Variants in FGFR4 observed in about 807,000 individuals in gnomAD.
FGFR4 encodes hydroxyaryl-protein kinase.
FGFR4 carries 63 observed loss-of-function variants against 89.9 expected under a neutral mutation model. That is an observed-to-expected ratio of 0.70 (90% CI 0.57 to 0.86). The LOEUF is 0.86. Ranked by LOEUF, FGFR4 falls within the 40% of genes least tolerant of loss-of-function variation. FGFR4 has a pLI of 0.00. For missense variants in FGFR4, 928 were observed against 1,106.7 expected, an observed-to-expected ratio of 0.84 and a Z score of 2.29; for synonymous variants, 486 against 479.4, an observed-to-expected ratio of 1.01 and a Z score of -0.18.
At chr5:177,090,003 C>A in intron 2 of FGFR4, 1 of 666,162 alleles carries the variant, frequency 1.5e-6, no homozygotes, top group Non-Finnish European at 2.8e-6. Context: ...GGTGTGTGAC[C>A]TAGGAGGTCC....
In FGFR4 at chr5:177,092,780, G is replaced by A. The variant is rs535650793; in HGVS notation, c.1053G>A (p.Leu351=). The change falls in exon 8 of 18, where the codon CTG becomes CTA. Residue 351 remains leucine (L), a synonymous_variant. Transcript: ENST00000292408. ...ACCAGTCTGCCTGGCTCACGGTGCTGCCAGGTGAGCACCTGAAGGGCCAGG... is the reference window on the plus strand; with the variant it reads ...ACCAGTCTGCCTGGCTCACGGTGCTACCAGGTGAGCACCTGAAGGGCCAGG... The part of the protein sequence containing the change: ...LSYQSAWLTV[L]PEEDPTWTAA... 1.9e-6 allele frequency: 3 copies of A among 1,614,204 alleles called. No individual in the cohort carries two copies. Among genetic ancestry groups the A allele is most frequent in the Non-Finnish European group, 2.5e-6 (3 of 1,180,038 alleles).
At chr5:177,096,564 G>A in intron 15 of FGFR4, 40 bp from the exon 16 acceptor site, 7 of 1,609,668 alleles carry the variant, frequency 4.3e-6, no homozygotes, top group Non-Finnish European at 5.9e-6. Context: ...CGGTCGTCGG[G>A]AGGGCGCTGA....
Position 177,089,636 on chromosome 5 carries a change from C to A in FGFR4, c.34C>A (p.Leu12Met), listed in dbSNP as rs1784279793. The A allele has an allele frequency of 1.9e-6, 3 of 1,613,956 alleles. No individual in the cohort carries two copies. Among genetic ancestry groups the A allele is most frequent in the Non-Finnish European group, 2.5e-6 (3 of 1,179,976 alleles). The change falls in exon 2 of 18, where the codon CTG becomes ATG. Residue 12 changes from leucine to methionine, a missense_variant. By Grantham distance (15) the Leu-to-Met change is conservative. Coordinates refer to ENST00000292408, the MANE Select transcript of FGFR4 (RefSeq NM_213647.3). ...RLLLALLGVL[L>M]SVPGPPVLSL... is the part of the protein sequence containing the mutation. ...GCTGCTGGCCCTGTTGGGGGTCCTG[C>A]TGAGTGTGCCTGGGCCTCCAGTCTT... is the stretch of plus-strand genomic sequence containing the variant.
intron 6 of FGFR4, among the ~76,000 whole-genome samples, 165 bp downstream of exon 6, chr5:177,091,973 G>A (rs1784382954): frequency 6.6e-6 from 1 of 152,192 alleles, no homozygotes; most frequent in Non-Finnish European, 1.5e-5. Flanking sequence ...GGCTGGAGGA[G>A]CAGAGGTCTG....
At position 177,093,468 on chromosome 5, in the gene FGFR4, C is replaced by G. The variant is rs755611713; in HGVS notation, c.1314C>G (p.Leu438=). 4 of 1,614,060 alleles carry G rather than the reference C, an allele frequency of 2.5e-6. No homozygotes were observed. Among genetic ancestry groups the G allele is most frequent in the Non-Finnish European group, 1.7e-6 (2 of 1,180,020 alleles). The change falls in exon 10 of 18, where the codon CTC becomes CTG. Residue 438 remains leucine (L), a synonymous_variant. Transcript: ENST00000292408. The surrounding 1 kb of genome is among the most constrained non-coding windows in gnomAD (Gnocchi z 5.8). ...SSSSLVRGVR[L]SSSGPALLAG... is the part of the protein sequence containing the mutation. ...CATCCCTGGTACGAGGCGTGCGTCT[C>G]TCCTCCAGCGGCCCCGCCTTGCTCG... is the stretch of plus-strand genomic sequence containing the variant.
intron 2 of FGFR4, 41 bp from the exon 3 acceptor site, chr5:177,090,349 T>C (rs1194010254): frequency 1.3e-6 from 2 of 1,599,238 alleles, no homozygotes; most frequent in Non-Finnish European, 1.7e-6. Context: ...CTGCCTCAGA[T>C]GGGGCTGCGG....
chr5:177,087,972 C>A lies in FGFR4; in HGVS notation c.-54+895C>A, dbSNP rs1784209770. On this transcript the variant is annotated intron_variant, in intron 1 of 17. Transcript: ENST00000292408. This position sits in a 1 kb window ranked among gnomAD's most constrained non-coding sequence, Gnocchi z 6.1. ...GCTGGATCCTGCTGGGCACAGGTAG[C>A]CATTAAGGGCTTGCAAGCTGGGGGG... Among the ~76,000 whole-genome samples, 1 of 152,134 alleles carries A rather than the reference C, an allele frequency of 6.6e-6. No homozygotes were observed. Among genetic ancestry groups the A allele is most frequent in the South Asian group, 2.1e-4 (1 of 4,818 alleles).
chr5:177,095,020 C>T lies in FGFR4; in HGVS notation c.1520-310C>T, dbSNP rs1374156105. On this transcript the variant is annotated intron_variant, in intron 11 of 17. Coordinates refer to ENST00000292408, the MANE Select transcript of FGFR4 (RefSeq NM_213647.3). The surrounding 1 kb of genome is among the most constrained non-coding windows in gnomAD (Gnocchi z 5.7). ...CGGCAGCTTCCTTCCTTCCTTCCTG[C>T]TCCGAGCTCTTCCCCTCTCTCCTGT... 3 of 350,464 alleles carry T rather than the reference C, an allele frequency of 8.6e-6. No individual in the cohort carries two copies. Among genetic ancestry groups the T allele is most frequent in the Admixed American group, 3.8e-5 (1 of 26,416 alleles). 21.7% of individuals were successfully genotyped at this position (350,464 alleles called of 1,614,324 possible).
rs2149736305 is a variant in FGFR4 at position 177,093,745 on chromosome 5, G to A, written c.1489G>A (p.Ala497Thr). The A allele has an allele frequency of 1.2e-6, 2 of 1,613,606 alleles. No individual in the cohort carries two copies. Among genetic ancestry groups the A allele is most frequent in the Non-Finnish European group, 1.7e-6 (2 of 1,179,850 alleles). Residue 497 changes from alanine to threonine, a missense_variant, in exon 11 of 18, where the codon GCC becomes ACC. Ala to Thr is a moderately conservative substitution (Grantham distance 58, BLOSUM62 0). Transcript: ENST00000292408. The surrounding 1 kb of genome is among the most constrained non-coding windows in gnomAD (Gnocchi z 5.8). ...CATGGACCCTGCCCGGCCTGACCAAGCCAGCACTGTGGCCGTCAAGATGCT... is the reference window on the plus strand; with the variant it reads ...CATGGACCCTGCCCGGCCTGACCAAACCAGCACTGTGGCCGTCAAGATGCT... ...FGMDPARPDQ[A>T]STVAVKMLKD...
At chr5:177,092,088 C>T (rs949008899) in intron 6 of FGFR4, among the ~76,000 whole-genome samples, 3 of 152,180 alleles carry the variant, frequency 2.0e-5, no homozygotes, top group East Asian at 3.9e-4. Context: ...ATTCGTAGGG[C>T]GTGGCGTTTA....
At position 177,095,620 on chromosome 5, in the gene FGFR4, GC is replaced by G. The variant is rs757833922; in HGVS notation, c.1722del (p.Asp575ThrfsTer46). 6.2e-7 allele frequency: 1 copy of G among 1,605,546 alleles called. No individual in the cohort carries two copies. Among genetic ancestry groups the G allele is most frequent in the Non-Finnish European group, 8.5e-7 (1 of 1,177,216 alleles). On this transcript the variant is annotated frameshift_variant, in exon 13 of 18. Coordinates refer to ENST00000292408, the MANE Select transcript of FGFR4 (RefSeq NM_213647.3). LOFTEE classifies it high-confidence loss of function. The surrounding 1 kb of genome is among the most constrained non-coding windows in gnomAD (Gnocchi z 5.7). ...RARRPPGPDL[S>X]PDGPRSSEGP... ...CGGCGCCCCCCAGGCCCCGACCTCA[GC>G]CCCGACGGTCCTCGGAGCAGTGAGG...
chr5:177,094,983 TG>T (rs759948096), intron 11 of FGFR4: 10 of 284,512 alleles, frequency 3.5e-5, no homozygotes, highest in Non-Finnish European at 6.2e-5. Context: ...GGACTACCGC[TG>T]ACCCCTCCAG....
Position 177,096,369 on chromosome 5 carries a change from C to A in FGFR4, c.2015+12C>A, listed in dbSNP as rs776745024. On this transcript the variant is annotated intron_variant, in intron 15 of 17. Transcript: ENST00000292408. ...CACCAGAGTGACGTGTGAGTCCTGC[C>A]GGCGGTCACTGTCCTACCCCACAAA... 6.2e-7 allele frequency: 1 copy of A among 1,613,820 alleles called. No individual in the cohort carries two copies. Among genetic ancestry groups the A allele is most frequent in the Admixed American group, 1.7e-5 (1 of 59,996 alleles).
rs1460269724 is a variant in FGFR4, at chr5:177,090,980, A to C, written c.479A>C (p.His160Pro). 1.2e-6 allele frequency: 2 copies of C among 1,613,966 alleles called. No individual in the cohort carries two copies. The highest frequency in any genetic ancestry group is 1.7e-5 in the Admixed American group (1 of 60,010). Residue 160 changes from histidine to proline, a missense_variant, in exon 5 of 18, where the codon CAT (histidine) becomes CCT (proline). His to Pro is a moderately conservative substitution (Grantham distance 77). Coordinates refer to ENST00000292408, the MANE Select transcript of FGFR4 (RefSeq NM_213647.3). The part of the protein sequence containing the change: ...THPQRMEKKL[H>P]AVPAGNTVKF... ...CCCCAGCGCATGGAGAAGAAACTGC[A>C]TGCAGTACCTGCGGGGAACACCGTC...
At chr5:177,089,862 C>T in intron 2 of FGFR4, 169 bp downstream of exon 2, 1 of 870,514 alleles carries the variant, frequency 1.1e-6, no homozygotes, top group Non-Finnish European at 1.9e-6. Flanking sequence ...TTCCAGCAAG[C>T]ATTCATCTAT....
chr5:177,094,064 C>G (rs1360498523), intron 11 of FGFR4, among the ~76,000 whole-genome samples: 1 of 151,912 alleles, frequency 6.6e-6, no homozygotes, highest in Non-Finnish European at 1.5e-5. Context: ...CAGTGAGACC[C>G]TATCTGAAAA....
chr5:177,091,657 T>C (rs1784370269), intron 5 of FGFR4, 28 bp from the exon 6 acceptor site: 2 of 1,612,766 alleles, frequency 1.2e-6, no homozygotes, highest in Admixed American at 1.7e-5. Flanking sequence ...CATGGTCCGG[T>C]GGTCCCGGAC....
At chr5:177,089,096 G>A (rs1784260097) in intron 1 of FGFR4, among the ~76,000 whole-genome samples, 1 of 152,234 alleles carries the variant, frequency 6.6e-6, no homozygotes, top group South Asian at 2.1e-4. Flanking sequence ...CAGTAATGCT[G>A]TAAGGAGTGG....
At chr5:177,089,417 T>G in intron 1 of FGFR4, 133 bp from the exon 2 acceptor site, 1 of 1,029,994 alleles carries the variant, frequency 9.7e-7, no homozygotes, top group Non-Finnish European at 1.4e-6. Flanking sequence ...CAGTCTGCAC[T>G]GCCACAGCCT....
Sources: gnomAD v4.1 joint callset for allele counts (sites outside exome capture counted in the v4.1 genomes callset) on GRCh38, gnomAD v4.1.1 for gene constraint, Gnocchi (gnomAD v3.1) non-coding constraint, MANE v1.5 for transcripts, NCBI Gene and HGNC (gene_info 2026-07-23, HGNC 2026-07-21) for gene names.